The following PTPRT variants were observed in gnomAD, a reference collection of about 807,000 sequenced individuals.
PTPRT encodes receptor-type tyrosine-protein phosphatase T.
PTPRT carries 56 observed loss-of-function variants against 176.8 expected under a neutral mutation model. The ratio of observed to expected loss-of-function variants is 0.32; its 90% CI spans 0.26 to 0.40. The LOEUF (loss-of-function observed/expected upper bound fraction) is 0.40. Ranked by LOEUF, PTPRT falls within the 10% of genes least tolerant of loss-of-function variation. The pLI is 1.00. For synonymous variants in PTPRT, 783 were observed against 739.0 expected (o/e 1.06, Z -0.96); for missense variants, 1,540 against 1,908.2 (o/e 0.81, Z 3.60).
intron 6 of PTPRT, among the ~76,000 whole-genome samples, chr20:42,736,349 G>C (rs773387502): frequency 6.6e-6 from 1 of 152,206 alleles, no homozygotes; most frequent in Admixed American, 6.5e-5. Context: ...GCAGTGAAAA[G>C]GTCTGAAGGA....
intron 3 of PTPRT, among the ~76,000 whole-genome samples, chr20:42,784,946 T>G (rs1392871820): frequency 6.6e-6 from 1 of 152,210 alleles, no homozygotes; most frequent in East Asian, 1.9e-4. Flanking sequence ...CACTGAGTGG[T>G]GACCACATTT....
At chr20:43,135,915 C>G (rs1019283557) in intron 1 of PTPRT, among the ~76,000 whole-genome samples, 1 of 152,220 alleles carries the variant, frequency 6.6e-6, no homozygotes, top group Non-Finnish European at 1.5e-5. Flanking sequence ...AATGCCTTCT[C>G]TCTAAACAGA....
At chr20:42,939,662 C>T (rs776399761) in intron 1 of PTPRT, among the ~76,000 whole-genome samples, 23 of 151,956 alleles carry the variant, frequency 1.5e-4, no homozygotes, top group Non-Finnish European at 2.8e-4. Context: ...AGAGCTGGGG[C>T]CATGGCAGTG....
chr20:42,046,822 C>T, the PTPRT span, among the ~76,000 whole-genome samples: 25 of 150,398 alleles, frequency 1.7e-4, no homozygotes, highest in Admixed American at 6.0e-4. Context: ...GTAGGGGGCA[C>T]GGAGGGAGGG....
At chr20:42,371,066 C>T (rs565322372) in intron 9 of PTPRT, among the ~76,000 whole-genome samples, 15 of 152,298 alleles carry the variant, frequency 9.8e-5, no homozygotes, top group African/African-American at 3.1e-4. Flanking sequence ...GCCACAATGG[C>T]TTTTAAAGGA....
At chr20:42,958,134 T>C (rs913678578) in intron 1 of PTPRT, among the ~76,000 whole-genome samples, 1 of 114,238 alleles carries the variant, frequency 8.8e-6, no homozygotes, top group African/African-American at 3.7e-5. Flanking sequence ...CCCTAATGTG[T>C]ACCTCGAGAG....
rs188202600 is a variant in PTPRT at position 42,346,146 on chromosome 20, C to G, written c.1865+4482G>C. 9.9e-5 allele frequency among the ~76,000 whole-genome samples: 15 copies of G among 152,106 alleles called. No homozygotes were observed. In the East Asian group the frequency reaches 2.7e-3, roughly 28 times the overall value. On this transcript the variant is annotated intron_variant, in intron 11 of 30. Coordinates refer to ENST00000373187, the MANE Select transcript of PTPRT (RefSeq NM_007050.6). ...GTGGGAGAAGAAGAGAGAGCTTGGC[C>G]CAGGTTCTGAAGTCCAGAGGACCAG...
At chr20:42,266,962 A>G (rs1768391388) in intron 13 of PTPRT, among the ~76,000 whole-genome samples, 1 of 152,212 alleles carries the variant, frequency 6.6e-6, no homozygotes, top group African/African-American at 2.4e-5. Flanking sequence ...AGTACAAAAA[A>G]AGAATGTAAA....
rs1028901509 is a variant in PTPRT, at chr20:42,677,969, C to T, written c.1050G>A (p.Leu350=). ...VDSPNYKLWH[L]DPDVEYEIRV... ...GGATCTCATACTCAACATCGGGGTC[C>T]AGATGCCACAGCTTATAGTTGGGAG... The change falls in exon 7 of 31, where the codon CTG becomes CTA. Residue 350 remains leucine (L), a synonymous_variant. Coordinates refer to ENST00000373187, the MANE Select transcript of PTPRT (RefSeq NM_007050.6). 6.8e-6 allele frequency: 11 copies of T among 1,614,074 alleles called. No individual in the cohort carries two copies. The highest frequency in any genetic ancestry group is 6.7e-5 in the Admixed American group (4 of 60,002).
intron 1 of PTPRT, among the ~76,000 whole-genome samples, chr20:43,159,691 T>G (rs2014634602): frequency 6.6e-6 from 1 of 152,178 alleles, no homozygotes; most frequent in South Asian, 2.1e-4. Flanking sequence ...TGCAGAGCAC[T>G]CCTTCCATAT....
chr20:42,102,423 C>G, intron 25 of PTPRT, 126 bp from the exon 26 acceptor site: 3 of 1,015,498 alleles, frequency 3.0e-6, no homozygotes, highest in Admixed American at 2.4e-5. Context: ...CCCACTCTCC[C>G]TTTCCCGGGA....
intron 1 of PTPRT, among the ~76,000 whole-genome samples, chr20:43,161,565 A>C (rs537268634): frequency 1.9e-4 from 29 of 152,276 alleles, no homozygotes; most frequent in African/African-American, 7.0e-4. Flanking sequence ...ATGGATACCC[A>C]AGCAAAATTG....
intron 6 of PTPRT, among the ~76,000 whole-genome samples, chr20:42,709,715 A>T (rs906080284): frequency 3.9e-5 from 6 of 152,212 alleles, no homozygotes; most frequent in African/African-American, 1.2e-4. Flanking sequence ...GGTAATGGGC[A>T]GAGGCTGGAA....
intron 2 of PTPRT, among the ~76,000 whole-genome samples, chr20:42,838,964 C>T (rs1354697143): frequency 6.6e-6 from 1 of 152,066 alleles, no homozygotes; most frequent in African/African-American, 2.4e-5. Context: ...CAGGGTTGGT[C>T]CAGGAAACAG....
intron 1 of PTPRT, among the ~76,000 whole-genome samples, chr20:42,893,530 T>TA (rs1274268105): frequency 6.6e-6 from 1 of 151,668 alleles, no homozygotes; most frequent in Non-Finnish European, 1.5e-5. Context: ...CAAAGGACTA[T>TA]AAATCATGCT....
At chr20:42,270,591 C>T in intron 13 of PTPRT, 4 of 679,324 alleles carry the variant, frequency 5.9e-6, no homozygotes, top group South Asian at 3.8e-5. Context: ...AGCAAAAGAA[C>T]ATCATGATTT....
At chr20:42,853,917 C>T (rs542326993) in intron 2 of PTPRT, among the ~76,000 whole-genome samples, 1 of 152,130 alleles carries the variant, frequency 6.6e-6, no homozygotes, top group Non-Finnish European at 1.5e-5. Flanking sequence ...ATAGACTAAC[C>T]CCGTGGCTGA....
At chr20:43,041,061 C>A (rs141978837) in intron 1 of PTPRT, among the ~76,000 whole-genome samples, 1,957 of 152,254 alleles carry the variant, frequency 0.013, 125 homozygotes, top group Admixed American at 0.11. Context: ...TGCATAGAGC[C>A]CAGCAATCTG....
At chr20:42,286,102 A>G (rs1265168751) in intron 12 of PTPRT, among the ~76,000 whole-genome samples, 9 of 152,048 alleles carry the variant, frequency 5.9e-5, no homozygotes. Flanking sequence ...AAATAGAAAG[A>G]TATCTCATGG....
Sources: allele counts gnomAD v4.1 joint callset (sites outside exome capture counted in the v4.1 genomes callset), GRCh38; gene constraint gnomAD v4.1.1; transcripts MANE v1.5; gene names NCBI Gene and HGNC (gene_info 2026-07-23, HGNC 2026-07-21).